ROBO1: variants seen among roughly 807,000 people sequenced by gnomAD.
ROBO1 encodes roundabout homolog 1.
A neutral mutation model predicts 195.9 loss-of-function variants in ROBO1; 149 were observed. That is an observed-to-expected ratio of 0.76 (90% CI 0.67 to 0.87). The LOEUF is 0.87. ROBO1 is among the 40% of genes least tolerant of loss of function. ROBO1 has a pLI of 0.00. For synonymous variants in ROBO1, 816 were observed against 733.2 expected (o/e 1.11, Z -1.82); for missense variants, 1,933 against 2,068.3 (o/e 0.93, Z 1.27).
chr3:78,951,584 C>T (rs1359567938), intron 3 of ROBO1, among the ~76,000 whole-genome samples: 4 of 152,142 alleles, frequency 2.6e-5, no homozygotes, highest in Admixed American at 6.6e-5. Context: ...ATGATACTCT[C>T]TCTGACACTG....
chr3:79,221,605 A>T (rs1229491325), intron 2 of ROBO1, among the ~76,000 whole-genome samples: 2 of 152,172 alleles, frequency 1.3e-5, no homozygotes, highest in African/African-American at 4.8e-5. Flanking sequence ...TTTAAATTCA[A>T]CAATGGCTTT....
rs11925244 is a variant in ROBO1 at position 78,767,857 on chromosome 3, T to C, written c.500-20957A>G. On this transcript the variant is annotated intron_variant, in intron 4 of 30. Coordinates refer to ENST00000464233, the MANE Select transcript of ROBO1 (RefSeq NM_002941.4). ...ATTGCTAATGGTCTATCGATTTTAT[T>C]GATGTTTTAAAAGAACTAGCTTTTG... 5.0e-3 allele frequency among the ~76,000 whole-genome samples: 768 copies of C among 152,262 alleles called. 7 individuals are homozygous for C. The highest frequency in any genetic ancestry group is 0.017 in the African/African-American group (703 of 41,566).
intron 4 of ROBO1, among the ~76,000 whole-genome samples, chr3:78,921,506 T>A (rs2038937422): frequency 6.6e-6 from 1 of 152,188 alleles, no homozygotes; most frequent in Non-Finnish European, 1.5e-5. Context: ...AATGAGAGAT[T>A]CCCTGTAGTA....
intron 2 of ROBO1, among the ~76,000 whole-genome samples, chr3:79,181,368 G>C (rs2081337084): frequency 1.3e-5 from 2 of 152,134 alleles, no homozygotes; most frequent in South Asian, 4.1e-4. Context: ...ATAAAGGTTT[G>C]CCAACTCAGT....
chr3:79,520,607 T>G (rs1202200281), intron 2 of ROBO1, among the ~76,000 whole-genome samples: 3 of 152,182 alleles, frequency 2.0e-5, no homozygotes, highest in Admixed American at 6.5e-5. Context: ...ATTGTGAAAT[T>G]AAGATAAAGA....
chr3:79,076,115 T>G (rs572673325), intron 3 of ROBO1, among the ~76,000 whole-genome samples: 1 of 150,860 alleles, frequency 6.6e-6, no homozygotes, highest in East Asian at 2.0e-4. Context: ...TATAAGATTG[T>G]TATGAAAACA....
intron 10 of ROBO1, among the ~76,000 whole-genome samples, chr3:78,677,064 C>T: frequency 6.6e-6 from 1 of 152,050 alleles, no homozygotes; most frequent in Non-Finnish European, 1.5e-5. Flanking sequence ...AATTTCATAT[C>T]CAGCCAAACT....
chr3:78,679,231 C>T (rs925156819), intron 10 of ROBO1, among the ~76,000 whole-genome samples: 1 of 151,738 alleles, frequency 6.6e-6, no homozygotes, highest in Non-Finnish European at 1.5e-5. Context: ...ACTGAATGGG[C>T]AAAAACTGGA....
intron 1 of ROBO1, among the ~76,000 whole-genome samples, chr3:79,730,521 C>T (rs920128269): frequency 6.6e-6 from 1 of 152,034 alleles, no homozygotes; most frequent in Non-Finnish European, 1.5e-5. Context: ...ATCCCCTCTC[C>T]ACTTGGGGGC....
intron 2 of ROBO1, among the ~76,000 whole-genome samples, chr3:79,453,362 G>T (rs62257569): frequency 0.028 from 4,300 of 152,122 alleles, 104 homozygotes; most frequent in Non-Finnish European, 0.049. Context: ...GTTAACAGAG[G>T]TTAAATAGAA....
chr3:78,720,665 T>C (rs2082018731), intron 5 of ROBO1, among the ~76,000 whole-genome samples: 1 of 152,202 alleles, frequency 6.6e-6, no homozygotes, highest in Non-Finnish European at 1.5e-5. Flanking sequence ...TATGGCACTA[T>C]TCACAATAGT....
chr3:79,146,701 T>G (rs548019921), intron 2 of ROBO1, among the ~76,000 whole-genome samples: 2 of 152,060 alleles, frequency 1.3e-5, no homozygotes, highest in African/African-American at 4.8e-5. Context: ...TGCTACTTTA[T>G]AGAACTAAAA....
chr3:79,092,286 G>A (rs981405338), intron 3 of ROBO1, among the ~76,000 whole-genome samples: 2 of 151,994 alleles, frequency 1.3e-5, no homozygotes, highest in African/African-American at 2.4e-5. Context: ...TTAATGAGAC[G>A]GAGGAACACT....
In ROBO1 at chr3:79,488,694, T is replaced by C. The variant is rs191048931; in HGVS notation, c.88+101130A>G. ...TTTTTCACTTATAAATACTCTCTGA[T>C]ATTAATATTCTTGGGTTGTGTTATG... On this transcript the variant is annotated intron_variant, in intron 2 of 30. Transcript: ENST00000464233. Among the ~76,000 whole-genome samples, 31 of 152,324 alleles carry C rather than the reference T, an allele frequency of 2.0e-4. No homozygotes were observed. In the East Asian group the frequency reaches 5.6e-3, roughly 27 times the overall value.
chr3:79,764,591 C>T (rs1704885563), intron 1 of ROBO1, among the ~76,000 whole-genome samples: 1 of 152,158 alleles, frequency 6.6e-6, no homozygotes, highest in African/African-American at 2.4e-5. Context: ...TTTGTGGTGT[C>T]TAGAGTTTCT....
chr3:79,154,598 G>A (rs2080827456), intron 2 of ROBO1, among the ~76,000 whole-genome samples: 1 of 151,664 alleles, frequency 6.6e-6, no homozygotes, highest in African/African-American at 2.4e-5. Context: ...GTCCCTCGAT[G>A]CAGATATCAG....
chr3:78,654,539 G>T (rs1251386726), intron 18 of ROBO1, among the ~76,000 whole-genome samples: 2 of 152,056 alleles, frequency 1.3e-5, no homozygotes, highest in Non-Finnish European at 2.9e-5. Flanking sequence ...ATGGCTATTT[G>T]TGCAAGGTTA....
intron 4 of ROBO1, among the ~76,000 whole-genome samples, chr3:78,760,499 G>C (rs894032422): frequency 1.3e-5 from 2 of 152,128 alleles, no homozygotes; most frequent in Non-Finnish European, 2.9e-5. Flanking sequence ...AAATTTGGCA[G>C]CTCAGCTCTA....
intron 2 of ROBO1, among the ~76,000 whole-genome samples, chr3:79,421,116 C>A (rs999845419): frequency 4.0e-5 from 6 of 151,894 alleles, no homozygotes; most frequent in African/African-American, 1.5e-4. Context: ...AAAAGTCATG[C>A]AGAAATAGAA....
Sources: allele counts gnomAD v4.1 joint callset (sites outside exome capture counted in the v4.1 genomes callset), GRCh38; gene constraint gnomAD v4.1.1; transcripts MANE v1.5; gene names NCBI Gene and HGNC (gene_info 2026-07-23, HGNC 2026-07-21).